LRP1B: variants seen among roughly 807,000 people sequenced by gnomAD.
LRP1B encodes LDL receptor related protein 1B.
LRP1B carries 217 observed loss-of-function variants against 556.6 expected under a neutral mutation model. The ratio of observed to expected loss-of-function variants is 0.39; its 90% confidence interval spans 0.35 to 0.44. The LOEUF is 0.44. Among genes scored for constraint, LRP1B ranks in the 20% least tolerant of loss-of-function variants. The pLI, the probability that LRP1B is intolerant of heterozygous loss-of-function variation, is 1.00. For synonymous variants in LRP1B, 2,047 were observed against 1,865.8 expected (o/e 1.10, Z -2.50); for missense variants, 5,053 against 5,620.8 (o/e 0.90, Z 3.23).
At chr2:141,672,768 T>G (rs1235657493) in intron 2 of LRP1B, among the ~76,000 whole-genome samples, 1 of 152,216 alleles carries the variant, frequency 6.6e-6, no homozygotes, top group African/African-American at 2.4e-5. Context: ...TATCCTATGA[T>G]GCACTGTAAA....
intron 84 of LRP1B, among the ~76,000 whole-genome samples, chr2:140,289,163 T>A (rs1054043300): frequency 4.6e-5 from 7 of 152,004 alleles, no homozygotes; most frequent in Non-Finnish European, 1.0e-4. Flanking sequence ...AGATAAAAGT[T>A]TATCAATAGT....
intron 84 of LRP1B, among the ~76,000 whole-genome samples, chr2:140,294,495 G>C (rs531878631): frequency 3.3e-4 from 51 of 152,302 alleles, no homozygotes; most frequent in African/African-American, 1.2e-3. Context: ...AAAATGATCA[G>C]AGTCAGAAGA....
At chr2:141,075,711 G>T (rs1699769256) in intron 7 of LRP1B, among the ~76,000 whole-genome samples, 1 of 152,128 alleles carries the variant, frequency 6.6e-6, no homozygotes, top group Non-Finnish European at 1.5e-5. Context: ...TAACACAGAT[G>T]GCTGTCTCAA....
chr2:141,144,388 T>A (rs934223552), intron 7 of LRP1B, among the ~76,000 whole-genome samples: 2 of 152,224 alleles, frequency 1.3e-5, no homozygotes, highest in Non-Finnish European at 2.9e-5. Context: ...GAAATGAAAC[T>A]GACATATCCA....
chr2:140,755,677 CT>C (rs1368392581), intron 35 of LRP1B, among the ~76,000 whole-genome samples: 1 of 151,802 alleles, frequency 6.6e-6, no homozygotes, highest in Non-Finnish European at 1.5e-5. Flanking sequence ...CTTTCTTAAC[CT>C]GATAAATGAT....
chr2:140,969,384 A>G (rs1329893366), intron 18 of LRP1B, among the ~76,000 whole-genome samples: 1 of 152,122 alleles, frequency 6.6e-6, no homozygotes, highest in East Asian at 1.9e-4. Flanking sequence ...TGCTTGGTAG[A>G]TCTTCCTCCA....
chr2:141,304,093 C>T (rs143560072), intron 3 of LRP1B, among the ~76,000 whole-genome samples: 92 of 152,104 alleles, frequency 6.0e-4, no homozygotes, highest in African/African-American at 2.1e-3. Context: ...TTTCCTTTAC[C>T]TACTTTTTAA....
chr2:140,944,520 T>C (rs969811611), intron 20 of LRP1B, among the ~76,000 whole-genome samples: 2 of 152,242 alleles, frequency 1.3e-5, no homozygotes, highest in South Asian at 2.1e-4. Flanking sequence ...CTCAACAAAT[T>C]ACTAGCAAAC....
chr2:141,836,246 ATATAATT>A (rs1697274587), intron 1 of LRP1B, among the ~76,000 whole-genome samples: 1 of 152,170 alleles, frequency 6.6e-6, no homozygotes, highest in East Asian at 1.9e-4. Context: ...ACTCACAGTA[ATATAATT>A]TATAATTTAT....
intron 41 of LRP1B, among the ~76,000 whole-genome samples, chr2:140,616,484 C>CTT (rs11416942): frequency 0.046 from 6,411 of 140,534 alleles, 187 homozygotes; most frequent in Middle Eastern, 0.086. Flanking sequence ...GTGACTCAGT[C>CTT]TTTTTTTTTT....
intron 66 of LRP1B, among the ~76,000 whole-genome samples, chr2:140,408,303 C>A (rs190437693): frequency 2.0e-5 from 3 of 151,916 alleles, no homozygotes; most frequent in East Asian, 1.9e-4. Context: ...AATCAAAAAA[C>A]CACTACTATC....
At chr2:140,389,611 A>G (rs1683920083) in intron 66 of LRP1B, among the ~76,000 whole-genome samples, 1 of 150,068 alleles carries the variant, frequency 6.7e-6, no homozygotes. Context: ...AACATTGCTG[A>G]GAAAAATTGA....
chr2:140,234,677 G>T (rs1358377407), intron 90 of LRP1B, 109 bp downstream of exon 90: 8 of 591,370 alleles, frequency 1.4e-5, no homozygotes, highest in African/African-American at 3.8e-5. Context: ...GAAATCTCTT[G>T]TTAATTAAAA....
chr2:141,793,991 C>CA (rs1311512228), intron 2 of LRP1B, among the ~76,000 whole-genome samples: 1 of 151,648 alleles, frequency 6.6e-6, no homozygotes, highest in Admixed American at 6.6e-5. Context: ...AAAGTTAAGA[C>CA]AAAATAACAC....
At chr2:141,875,819 G>A (rs1417539441) in intron 1 of LRP1B, among the ~76,000 whole-genome samples, 1 of 151,994 alleles carries the variant, frequency 6.6e-6, no homozygotes, top group Non-Finnish European at 1.5e-5. Flanking sequence ...ATATGTATAT[G>A]TGTATGTATG....
rs542630458 is a variant in LRP1B, at chr2:140,985,196, T to C, written c.2771-2920A>G. ...GAATTCTCACAAGGCACACCAACCA[T>C]ACAGCCAAGAGGAGACTAGAGCATA... is the stretch of plus-strand genomic sequence containing the variant. On this transcript the variant is annotated intron_variant, in intron 17 of 90. Coordinates refer to ENST00000389484, the MANE Select transcript of LRP1B (RefSeq NM_018557.3). 2.0e-5 allele frequency among the ~76,000 whole-genome samples: 3 copies of C among 152,126 alleles called. No homozygotes were observed. The South Asian group carries it at 6.2e-4, about 32-fold the overall frequency.
At chr2:142,027,849 G>A (rs1703562419) in intron 1 of LRP1B, among the ~76,000 whole-genome samples, 1 of 151,848 alleles carries the variant, frequency 6.6e-6, no homozygotes, top group Non-Finnish European at 1.5e-5. Context: ...AAAATCTGTA[G>A]CATTGCCCAT....
At chr2:141,483,208 C>T (rs1323260233) in intron 2 of LRP1B, among the ~76,000 whole-genome samples, 52 of 147,272 alleles carry the variant, frequency 3.5e-4, no homozygotes, top group Admixed American at 6.2e-4. Context: ...TGAGAACATG[C>T]GGTGTTTGGT....
chr2:140,630,061 TA>T (rs1345404187), intron 41 of LRP1B, among the ~76,000 whole-genome samples: 7 of 152,186 alleles, frequency 4.6e-5, no homozygotes, highest in Non-Finnish European at 1.0e-4. Context: ...AATTAGCTAC[TA>T]AAATAGTAGA....
Sources: gnomAD v4.1 joint callset for allele counts (sites outside exome capture counted in the v4.1 genomes callset) on GRCh38, gnomAD v4.1.1 for gene constraint, MANE v1.5 for transcripts, NCBI Gene and HGNC (gene_info 2026-07-23, HGNC 2026-07-21) for gene names.